CCSER1: variants seen among roughly 807,000 people sequenced by gnomAD.
CCSER1 encodes coiled-coil serine rich protein 1.
A neutral mutation model predicts 82.0 loss-of-function variants in CCSER1; 41 were observed. The ratio of observed to expected loss-of-function variants is 0.50; its 90% CI spans 0.39 to 0.65. The LOEUF is 0.65. Ranked by LOEUF, CCSER1 falls within the 30% of genes least tolerant of loss-of-function variation. The pLI, the probability that CCSER1 is intolerant of heterozygous loss-of-function variation, is 0.00. For synonymous variants in CCSER1, 414 were observed against 383.9 expected, an observed-to-expected ratio of 1.08 and a Z score of -0.92; for missense variants, 1,119 against 1,064.2, an observed-to-expected ratio of 1.05 and a Z score of -0.72.
intron 3 of CCSER1, among the ~76,000 whole-genome samples, chr4:90,333,659 G>A (rs1324237854): frequency 6.6e-6 from 1 of 152,096 alleles, no homozygotes; most frequent in African/African-American, 2.4e-5. Context: ...TTGTCAAAGT[G>A]TAATTTTCAA....
chr4:90,146,922 C>T (rs565936423), intron 1 of CCSER1, among the ~76,000 whole-genome samples: 3 of 152,072 alleles, frequency 2.0e-5, no homozygotes, highest in Admixed American at 6.5e-5. Context: ...GTAATTAACA[C>T]ATAAGATTAA....
chr4:91,280,002 T>C (rs1195245176), intron 10 of CCSER1, among the ~76,000 whole-genome samples: 1 of 152,230 alleles, frequency 6.6e-6, no homozygotes, highest in Non-Finnish European at 1.5e-5. Context: ...ATATGATTTA[T>C]TGGCTGTAAA....
intron 9 of CCSER1, among the ~76,000 whole-genome samples, chr4:91,062,115 GGCT>G (rs1470120181): frequency 1.3e-5 from 2 of 151,508 alleles, no homozygotes; most frequent in Non-Finnish European, 2.9e-5. Flanking sequence ...AAAAAAACAA[GGCT>G]GCAAACATTG....
intron 10 of CCSER1, among the ~76,000 whole-genome samples, chr4:91,213,858 C>T (rs989778087): frequency 3.3e-5 from 5 of 152,224 alleles, no homozygotes; most frequent in South Asian, 2.1e-4. Flanking sequence ...TGGACCACGA[C>T]ATTGTTGTGG....
chr4:91,459,527 G>A lies in CCSER1; in HGVS notation c.2218-139045G>A, dbSNP rs115422512. ...ACAAGACCGAAGAGCTGTGATATAC[G>A]TGGCTCTCCAAGGTAGGGAGATGAA... On this transcript the variant is annotated intron_variant, in intron 10 of 10. Coordinates refer to ENST00000509176, the MANE Select transcript of CCSER1 (RefSeq NM_001145065.2). Among the ~76,000 whole-genome samples the A allele has an allele frequency of 4.4e-3, 677 of 152,200 alleles. 3 individuals carry two copies. The highest frequency in any genetic ancestry group is 0.015 in the African/African-American group (636 of 41,534).
At chr4:90,392,779 C>T (rs115699137) in intron 3 of CCSER1, among the ~76,000 whole-genome samples, 167 of 152,242 alleles carry the variant, frequency 1.1e-3, no homozygotes, top group African/African-American at 3.9e-3. Flanking sequence ...TAAATCAATA[C>T]TTAGCAAAGA....
At chr4:90,733,625 C>G (rs563736688) in intron 7 of CCSER1, among the ~76,000 whole-genome samples, 1 of 152,068 alleles carries the variant, frequency 6.6e-6, no homozygotes, top group East Asian at 1.9e-4. Flanking sequence ...GAGAGTTTCC[C>G]TAGTGTTTTC....
At chr4:90,910,168 G>A (rs1246873738) in intron 8 of CCSER1, among the ~76,000 whole-genome samples, 1 of 152,152 alleles carries the variant, frequency 6.6e-6, no homozygotes, top group Admixed American at 6.5e-5. Flanking sequence ...CATCTCGTGA[G>A]AACTCACTAT....
At chr4:90,870,001 T>G (rs941368958) in intron 8 of CCSER1, among the ~76,000 whole-genome samples, 3 of 152,000 alleles carry the variant, frequency 2.0e-5, no homozygotes, top group African/African-American at 7.2e-5. Flanking sequence ...TTTCAGATTG[T>G]TCACTCTTAG....
chr4:90,728,181 G>A (rs1744026570), intron 7 of CCSER1, among the ~76,000 whole-genome samples: 1 of 152,124 alleles, frequency 6.6e-6, no homozygotes, highest in South Asian at 2.1e-4. Flanking sequence ...CCCTCTCCAA[G>A]GTATGGCCAC....
intron 10 of CCSER1, among the ~76,000 whole-genome samples, chr4:91,424,239 G>C (rs1046241511): frequency 8.6e-5 from 13 of 150,924 alleles, no homozygotes; most frequent in Middle Eastern, 6.8e-3. Flanking sequence ...GGATGGTCTC[G>C]ATCTCCTGAC....
chr4:91,103,495 A>G (rs553418006), intron 10 of CCSER1, among the ~76,000 whole-genome samples: 4 of 152,320 alleles, frequency 2.6e-5, no homozygotes, highest in Admixed American at 2.0e-4. Context: ...AATTGTCTCA[A>G]TTAGATTAAA....
At chr4:90,220,547 A>G (rs1216234296) in intron 1 of CCSER1, among the ~76,000 whole-genome samples, 1 of 152,144 alleles carries the variant, frequency 6.6e-6, no homozygotes, top group African/African-American at 2.4e-5. Context: ...AACAGAAATC[A>G]GGTTTGATGG....
At chr4:91,115,841 T>TTA (rs59028567) in intron 10 of CCSER1, among the ~76,000 whole-genome samples, 11,084 of 114,906 alleles carry the variant, frequency 0.096, 760 homozygotes, top group East Asian at 0.22. Context: ...TTCCATTCTT[T>TTA]TATATATATA....
chr4:90,739,488 T>C (rs1606752), intron 7 of CCSER1, among the ~76,000 whole-genome samples: 91,201 of 152,054 alleles, frequency 0.6, 27,666 homozygotes, highest in African/African-American at 0.69. Context: ...CATTGGGTCA[T>C]GTGCATCTTA....
rs143303986 is a variant in CCSER1, at chr4:90,969,334, GA to G, written c.2172+45889del. 7.0e-4 allele frequency among the ~76,000 whole-genome samples: 107 copies of G among 151,924 alleles called. 3 individuals carry two copies. The East Asian group carries it at 0.013, about 19-fold the overall frequency. On this transcript the variant is annotated intron_variant, in intron 9 of 10. Coordinates refer to ENST00000509176, the MANE Select transcript of CCSER1 (RefSeq NM_001145065.2). ...TTCTAAAACAGAATAACTTCAAAAA[GA>G]ATATACCAAGACACACGATAAAAAT... is the stretch of plus-strand genomic sequence containing the variant.
At chr4:91,015,725 T>C (rs1739375073) in intron 9 of CCSER1, among the ~76,000 whole-genome samples, 1 of 151,072 alleles carries the variant, frequency 6.6e-6, no homozygotes, top group Non-Finnish European at 1.5e-5. Flanking sequence ...CAGAAAAAAA[T>C]ATTAATCCTT....
At chr4:91,545,705 CTCCGTAGA>C (rs1761855043) in intron 10 of CCSER1, among the ~76,000 whole-genome samples, 2 of 151,854 alleles carry the variant, frequency 1.3e-5, no homozygotes, top group African/African-American at 4.8e-5. Context: ...TTTAGATTTA[CTCCGTAGA>C]TAATCATGTT....
intron 10 of CCSER1, among the ~76,000 whole-genome samples, chr4:91,323,165 G>A (rs1746308502): frequency 6.6e-6 from 1 of 152,126 alleles, no homozygotes; most frequent in African/African-American, 2.4e-5. Flanking sequence ...CAGGCTGGAA[G>A]GGCAAGATAC....
Sources: gnomAD v4.1 joint callset for allele counts (sites outside exome capture counted in the v4.1 genomes callset) on GRCh38, gnomAD v4.1.1 for gene constraint, MANE v1.5 for transcripts, NCBI Gene and HGNC (gene_info 2026-07-23, HGNC 2026-07-21) for gene names.